Variants in XKR4 observed in about 807,000 individuals in gnomAD.
The protein encoded by XKR4 is XK-related protein 4.
In XKR4, 12 loss-of-function variants were observed where a neutral mutation model predicts 53.9. That is an observed-to-expected ratio of 0.22 (90% confidence interval 0.14 to 0.36). The LOEUF (loss-of-function observed/expected upper bound fraction) is 0.36, where lower values mean the gene tolerates loss of function less well. XKR4 is among the 10% of genes least tolerant of loss of function. The probability of loss-of-function intolerance (pLI) is 1.00; values close to 1 mark genes in which losing one functional copy is unlikely to be tolerated. For missense variants in XKR4, 799 were observed against 859.5 expected (o/e 0.93, Z 0.88); for synonymous variants, 354 against 362.4 (o/e 0.98, Z 0.26).
chr8:55,266,980 C>G (rs1034770498), intron 1 of XKR4, among the ~76,000 whole-genome samples: 7 of 152,124 alleles, frequency 4.6e-5, no homozygotes, highest in African/African-American at 1.7e-4. Context: ...GACCTCTCCT[C>G]CCATTATGCA....
chr8:55,429,158 A>G (rs1211250704), intron 2 of XKR4, among the ~76,000 whole-genome samples: 2 of 152,218 alleles, frequency 1.3e-5, no homozygotes, highest in African/African-American at 4.8e-5. Context: ...ATGTGATGGC[A>G]ATTTAATATA....
chr8:55,457,216 C>T (rs1185133903), intron 2 of XKR4, among the ~76,000 whole-genome samples: 2 of 150,334 alleles, frequency 1.3e-5, no homozygotes, highest in Non-Finnish European at 2.9e-5. Flanking sequence ...GATCTCTGCT[C>T]ATTGCAAGTT....
chr8:55,104,824 A>G (rs566406773), intron 1 of XKR4, among the ~76,000 whole-genome samples: 56 of 152,342 alleles, frequency 3.7e-4, no homozygotes, highest in Admixed American at 9.8e-4. Flanking sequence ...CCCATGGATG[A>G]CTATTGGGAA....
At chr8:55,324,795 G>T (rs1803269887) in intron 1 of XKR4, among the ~76,000 whole-genome samples, 2 of 152,192 alleles carry the variant, frequency 1.3e-5, no homozygotes, top group South Asian at 4.1e-4. Context: ...TTAAGAGTCA[G>T]CACCAGGTTT....
chr8:55,233,441 T>A (rs909019399), intron 1 of XKR4, among the ~76,000 whole-genome samples: 4 of 152,228 alleles, frequency 2.6e-5, no homozygotes, highest in Non-Finnish European at 5.9e-5. Flanking sequence ...ATAGCTACCT[T>A]TCAGGTCAGG....
At chr8:55,421,221 A>G (rs180692724) in intron 2 of XKR4, among the ~76,000 whole-genome samples, 39 of 152,332 alleles carry the variant, frequency 2.6e-4, no homozygotes, top group Non-Finnish European at 4.9e-4. Context: ...GATTCTCACA[A>G]TAACTTTTTA....
chr8:55,159,049 A>G (rs1816948423), intron 1 of XKR4, among the ~76,000 whole-genome samples: 1 of 152,076 alleles, frequency 6.6e-6, no homozygotes, highest in Admixed American at 6.6e-5. Context: ...AATAGCATGG[A>G]TCTGTAAGTT....
At chr8:55,522,101 T>G (rs1281564614) in intron 2 of XKR4, among the ~76,000 whole-genome samples, 1 of 152,176 alleles carries the variant, frequency 6.6e-6, no homozygotes, top group Non-Finnish European at 1.5e-5. Flanking sequence ...AGCTCTCTCC[T>G]AAAGGAGGCC....
chr8:55,189,824 T>C (rs796317181), intron 1 of XKR4, among the ~76,000 whole-genome samples: 7 of 152,316 alleles, frequency 4.6e-5, no homozygotes, highest in African/African-American at 1.4e-4. Flanking sequence ...TTGGTATCAG[T>C]GTGAATCTCA....
intron 1 of XKR4, among the ~76,000 whole-genome samples, chr8:55,321,507 C>A (rs1278107498): frequency 6.6e-6 from 1 of 152,172 alleles, no homozygotes; most frequent in Non-Finnish European, 1.5e-5. Flanking sequence ...AGACTATAGA[C>A]CCTGGCCTTG....
At chr8:55,461,114 T>C (rs1805649603) in intron 2 of XKR4, among the ~76,000 whole-genome samples, 1 of 152,190 alleles carries the variant, frequency 6.6e-6, no homozygotes, top group African/African-American at 2.4e-5. Flanking sequence ...TCTGACTGCT[T>C]TGAAGAGAGT....
intron 1 of XKR4, among the ~76,000 whole-genome samples, chr8:55,194,447 C>T (rs556963228): frequency 2.0e-5 from 3 of 152,256 alleles, no homozygotes; most frequent in Non-Finnish European, 2.9e-5. Flanking sequence ...CCATATACCA[C>T]GATTGCAGGA....
At chr8:55,380,344 A>G (rs1460294782) in intron 2 of XKR4, among the ~76,000 whole-genome samples, 1 of 152,248 alleles carries the variant, frequency 6.6e-6, no homozygotes, top group African/African-American at 2.4e-5. Flanking sequence ...TTCCTATCAT[A>G]ACCCCCTTCA....
At chr8:55,228,481 T>A (rs1222204300) in intron 1 of XKR4, among the ~76,000 whole-genome samples, 1 of 152,192 alleles carries the variant, frequency 6.6e-6, no homozygotes, top group Non-Finnish European at 1.5e-5. Flanking sequence ...TATGTATTAT[T>A]TATTTGACTT....
chr8:55,333,102 T>G (rs1329653210), intron 1 of XKR4, among the ~76,000 whole-genome samples: 1 of 152,136 alleles, frequency 6.6e-6, no homozygotes, highest in East Asian at 1.9e-4. Context: ...ATATTCTAAT[T>G]TTGTTGATAC....
intron 1 of XKR4, among the ~76,000 whole-genome samples, chr8:55,244,607 G>A (rs1322232769): frequency 2.6e-5 from 4 of 152,162 alleles, no homozygotes; most frequent in African/African-American, 7.2e-5. Flanking sequence ...TGGATCAAAT[G>A]GTAGTTCTGT....
intron 1 of XKR4, among the ~76,000 whole-genome samples, chr8:55,211,942 G>A (rs1293336163): frequency 6.6e-6 from 1 of 152,184 alleles, no homozygotes; most frequent in Non-Finnish European, 1.5e-5. Context: ...TAAGACATCA[G>A]TCAATACATG....
At chr8:55,305,929 A>G (rs1256622220) in intron 1 of XKR4, among the ~76,000 whole-genome samples, 1 of 152,208 alleles carries the variant, frequency 6.6e-6, no homozygotes, top group African/African-American at 2.4e-5. Flanking sequence ...TGTACCATGT[A>G]AGTAAAAGTT....
chr8:55,452,108 G>A, intron 2 of XKR4: 1 of 689,266 alleles, frequency 1.5e-6, no homozygotes, highest in East Asian at 2.6e-5. Flanking sequence ...AGCCCAGGGT[G>A]AAGGAGAAGG....
Sources: gnomAD v4.1 joint callset for allele counts (sites outside exome capture counted in the v4.1 genomes callset) on GRCh38, gnomAD v4.1.1 for gene constraint, MANE v1.5 for transcripts, NCBI Gene and HGNC (gene_info 2026-07-23, HGNC 2026-07-21) for gene names.